The following NFS1 variants were observed in gnomAD, a reference collection of about 807,000 sequenced individuals.
NFS1 encodes the protein NFS1 cysteine desulfurase.
A neutral mutation model predicts 57.3 loss-of-function variants in NFS1; 26 were observed. The observed-to-expected ratio is 0.45, with a 90% CI of 0.33 to 0.63. The LOEUF is 0.63. Among genes scored for constraint, NFS1 ranks in the 20% least tolerant of loss-of-function variants. The pLI, the probability that NFS1 is intolerant of heterozygous loss-of-function variation, is 0.02. For missense variants in NFS1, 505 were observed against 605.8 expected (o/e 0.83, Z 1.75); for synonymous variants, 209 against 216.3 (o/e 0.97, Z 0.30).
Position 35,673,604 on chromosome 20 carries a change from A to T in NFS1, c.1217T>A (p.Ile406Asn). The T allele has an allele frequency of 1.2e-6, 2 of 1,613,464 alleles. No individual in the cohort carries two copies. Among genetic ancestry groups the T allele is most frequent in the Non-Finnish European group, 1.7e-6 (2 of 1,179,468 alleles). The change falls in exon 11 of 13, where the codon ATC becomes AAC. Residue 406 changes from isoleucine to asparagine, a missense_variant. Coordinates refer to ENST00000374092, the MANE Select transcript of NFS1 (RefSeq NM_021100.5). Reference sequence around the variant, plus strand: ...TGTTGCAGCTCAACTCACTGACCTGATAGAAGAGTGCGCTAAATCCTCATC... The same window carrying T: ...TGTTGCAGCTCAACTCACTGACCTGTTAGAAGAGTGCGCTAAATCCTCATC... ...GTDEDLAHSSIRFGIGRFTTE... is the reference protein window; with the variant it reads ...GTDEDLAHSSNRFGIGRFTTE...
intron 5 of NFS1, among the ~76,000 whole-genome samples, chr20:35,689,855 T>C (rs1300133765): frequency 1.3e-5 from 2 of 150,182 alleles, no homozygotes; most frequent in Non-Finnish European, 3.0e-5. Flanking sequence ...GGAGAATCAC[T>C]TGAACCCGGG....
chr20:35,680,746 C>A lies in NFS1; in HGVS notation c.781G>T (p.Gly261Cys). 6.5e-7 allele frequency: 1 copy of A among 1,549,556 alleles called. No homozygotes were observed. Among genetic ancestry groups the A allele is most frequent in the Admixed American group, 2.0e-5 (1 of 50,688 alleles). Residue 261 changes from glycine to cysteine, a missense_variant, in exon 7 of 13, where the codon GGT becomes TGT. Physicochemically the swap from Gly to Cys is radical, Grantham distance 159. Coordinates refer to ENST00000374092, the MANE Select transcript of NFS1 (RefSeq NM_021100.5). ...TAGAAGGGGCTGGTACCTTTGGGACCGTAGATTTTGTGACCACTAATGCTC... is the reference window on the plus strand; with the variant it reads ...TAGAAGGGGCTGGTACCTTTGGGACAGTAGATTTTGTGACCACTAATGCTC... The part of the protein sequence containing the change: ...LMSISGHKIY[G>C]PKGVGAIYIR...
Position 35,674,350 on chromosome 20 carries a change from C to T in NFS1, c.1136G>A (p.Ser379Asn). The T allele has an allele frequency of 6.2e-7, 1 of 1,613,778 alleles. No individual in the cohort carries two copies. The highest frequency in any genetic ancestry group is 8.5e-7 in the Non-Finnish European group (1 of 1,179,824). ...ALKDVALSSG[S>N]ACTSASLEPS... Reference sequence around the variant, plus strand: ...GCCCTGTCTATGCCGTCCAGCTCACCTCCCTGAGGATAAGGCAACGTCCTT... The same window carrying T: ...GCCCTGTCTATGCCGTCCAGCTCACTTCCCTGAGGATAAGGCAACGTCCTT... The change falls in exon 10 of 13, where the codon AGT becomes AAT. Residue 379 changes from serine (S) to asparagine (N), a missense_variant and splice_region_variant. Physicochemically the swap from Ser to Asn is conservative, Grantham distance 46. Transcript: ENST00000374092.
chr20:35,685,597 G>A (rs916577556), intron 5 of NFS1, among the ~76,000 whole-genome samples: 2 of 147,168 alleles, frequency 1.4e-5, no homozygotes, highest in African/African-American at 5.0e-5. Flanking sequence ...AGTGGCTCAC[G>A]CCTGTAATCC....
At chr20:35,680,131 C>T (rs1052414242) in intron 7 of NFS1, among the ~76,000 whole-genome samples, 14 of 152,068 alleles carry the variant, frequency 9.2e-5, no homozygotes, top group Admixed American at 3.9e-4. Context: ...GGTGAAACCC[C>T]GTCTCTACTA....
chr20:35,692,527 T>TA (rs61052129), intron 4 of NFS1, among the ~76,000 whole-genome samples: 1,324 of 42,728 alleles, frequency 0.031, 86 homozygotes, highest in Non-Finnish European at 0.041. Flanking sequence ...TCATCTATAC[T>TA]AAAAAAAAAA....
chr20:35,684,074 T>C (rs1017623827), intron 5 of NFS1, among the ~76,000 whole-genome samples: 10 of 151,006 alleles, frequency 6.6e-5, no homozygotes, highest in African/African-American at 1.5e-4. Flanking sequence ...CACTGTGCCA[T>C]TGCACTCCAG....
chr20:35,675,594 G>C (rs76085366), intron 7 of NFS1: 7,443 of 190,450 alleles, frequency 0.039, 182 homozygotes, highest in African/African-American at 0.072. Context: ...AAAAGAATGA[G>C]GGGGCCGGGT....
chr20:35,692,396 A>G, intron 4 of NFS1: 1 of 180,818 alleles, frequency 5.5e-6, no homozygotes, highest in Non-Finnish European at 1.1e-5. Context: ...TAAATTAATT[A>G]ATTAAAAAAA....
intron 5 of NFS1, among the ~76,000 whole-genome samples, chr20:35,684,414 A>C (rs2034903707): frequency 1.3e-5 from 1 of 78,450 alleles, no homozygotes; most frequent in Admixed American, 1.6e-4. Context: ...TCTCAAATAA[A>C]TAAAATAAAA....
chr20:35,683,409 G>C (rs1002892045), intron 5 of NFS1, among the ~76,000 whole-genome samples: 7 of 151,738 alleles, frequency 4.6e-5, no homozygotes, highest in Admixed American at 1.3e-4. Flanking sequence ...TTGAACCCGG[G>C]GGGCAGAGGT....
At chr20:35,681,717 A>G (rs1601524400) in intron 6 of NFS1, among the ~76,000 whole-genome samples, 171 bp downstream of exon 6, 1 of 152,110 alleles carries the variant, frequency 6.6e-6, no homozygotes, top group East Asian at 1.9e-4. Context: ...AAAAATGGTA[A>G]TAGACCTGGA....
chr20:35,693,617 C>G (rs1420560602), intron 4 of NFS1, among the ~76,000 whole-genome samples: 1 of 152,036 alleles, frequency 6.6e-6, no homozygotes, highest in Non-Finnish European at 1.5e-5. Flanking sequence ...CACATGAGCC[C>G]AGGAGTTCAA....
At chr20:35,697,064 C>T (rs1327756495) in intron 3 of NFS1, among the ~76,000 whole-genome samples, 1 of 152,106 alleles carries the variant, frequency 6.6e-6, no homozygotes, top group African/African-American at 2.4e-5. Flanking sequence ...CGAGATCGTG[C>T]CACTGCACTG....
In NFS1 at chr20:35,693,091, CATTTT is replaced by C. The variant is rs1413303250; in HGVS notation, c.409-2531_409-2527del. Among the ~76,000 whole-genome samples the C allele has an allele frequency of 9.2e-5, 14 of 151,806 alleles. No individual in the cohort carries two copies. In the East Asian group the frequency reaches 2.3e-3, roughly 25 times the overall value. On this transcript the variant is annotated intron_variant, in intron 4 of 12. Coordinates refer to ENST00000374092, the MANE Select transcript of NFS1 (RefSeq NM_021100.5). ...GGGAAGGAGAGGAAGATTTACACTT[CATTTT>C]ATTTTATTTTTGTTTATTTATTTTT...
intron 3 of NFS1, among the ~76,000 whole-genome samples, chr20:35,697,434 C>T (rs2035154272): frequency 6.6e-6 from 1 of 152,092 alleles, no homozygotes; most frequent in Non-Finnish European, 1.5e-5. Flanking sequence ...GTAGAAACTA[C>T]CACAATCTCT....
At chr20:35,686,904 C>A (rs2034953322) in intron 5 of NFS1, among the ~76,000 whole-genome samples, 1 of 151,556 alleles carries the variant, frequency 6.6e-6, no homozygotes, top group Non-Finnish European at 1.5e-5. Context: ...TATAATAATC[C>A]TCGCTCTACA....
At chr20:35,688,004 G>T (rs966681916) in intron 5 of NFS1, among the ~76,000 whole-genome samples, 5 of 152,338 alleles carry the variant, frequency 3.3e-5, no homozygotes, top group African/African-American at 1.2e-4. Flanking sequence ...AGCACTTTGG[G>T]AGGCCAGGGT....
chr20:35,697,090 G>A (rs1298562461), intron 3 of NFS1, among the ~76,000 whole-genome samples: 1 of 150,062 alleles, frequency 6.7e-6, no homozygotes, highest in African/African-American at 2.5e-5. Context: ...TGGGTAACAA[G>A]AGCAAAACTC....
Sources: allele counts gnomAD v4.1 joint callset (sites outside exome capture counted in the v4.1 genomes callset), GRCh38; gene constraint gnomAD v4.1.1; transcripts MANE v1.5; gene names NCBI Gene and HGNC (gene_info 2026-07-23, HGNC 2026-07-21).